Variants in WDR33 observed in about 807,000 individuals in gnomAD.
WDR33 encodes the protein pre-mRNA 3' end processing protein WDR33.
A neutral mutation model predicts 164.9 loss-of-function variants in WDR33; 47 were observed. The observed-to-expected ratio is 0.29, with a 90% CI of 0.23 to 0.36. The LOEUF is 0.36. Among genes scored for constraint, WDR33 ranks in the 10% least tolerant of loss-of-function variants. The pLI is 1.00. For synonymous variants in WDR33, 505 were observed against 589.0 expected (o/e 0.86, Z 2.06); for missense variants, 1,137 against 1,754.1 (o/e 0.65, Z 6.28).
At chr2:127,798,701 T>A (rs1394921396) in intron 1 of WDR33, among the ~76,000 whole-genome samples, 1 of 152,046 alleles carries the variant, frequency 6.6e-6, no homozygotes, top group Non-Finnish European at 1.5e-5. Context: ...ACAAGTCAGT[T>A]TAGATTTCAA....
At chr2:127,795,875 CAAG>C (rs952638609) in intron 1 of WDR33, among the ~76,000 whole-genome samples, 2 of 150,624 alleles carry the variant, frequency 1.3e-5, no homozygotes, top group Non-Finnish European at 2.9e-5. Flanking sequence ...GAAGTTAATG[CAAG>C]AAGGAGAAAA....
chr2:127,804,047 T>G (rs1689348294), intron 1 of WDR33, among the ~76,000 whole-genome samples: 1 of 150,052 alleles, frequency 6.7e-6, no homozygotes, highest in African/African-American at 2.5e-5. Flanking sequence ...TGGGACCGGG[T>G]GCGGTGGCTC....
At chr2:127,800,826 G>A (rs116774295) in intron 1 of WDR33, among the ~76,000 whole-genome samples, 2,172 of 152,162 alleles carry the variant, frequency 0.014, 65 homozygotes, top group African/African-American at 0.05. Context: ...ATTTAAGACA[G>A]AAATCTCCTT....
At chr2:127,759,884 A>C (rs6727268) in intron 7 of WDR33, among the ~76,000 whole-genome samples, 1 of 151,128 alleles carries the variant, frequency 6.6e-6, no homozygotes, top group Non-Finnish European at 1.5e-5. Flanking sequence ...CTATTTTTTT[A>C]AAAAAAATTA....
chr2:127,779,975 A>ATTTTTTTTT (rs1201664053), intron 1 of WDR33, among the ~76,000 whole-genome samples: 4 of 142,694 alleles, frequency 2.8e-5, no homozygotes, highest in African/African-American at 1.0e-4. Flanking sequence ...GGTTTTTTTG[A>ATTTTTTTTT]TTTTTTTTTT....
chr2:127,776,800 A>C (rs1257094137), intron 1 of WDR33, among the ~76,000 whole-genome samples: 3 of 152,252 alleles, frequency 2.0e-5, no homozygotes, highest in Non-Finnish European at 4.4e-5. Flanking sequence ...GACAGAAAGA[A>C]CCAATCCTCA....
intron 4 of WDR33, 125 bp downstream of exon 4, chr2:127,768,064 C>G: frequency 1.8e-6 from 1 of 555,964 alleles, no homozygotes; most frequent in Non-Finnish European, 2.9e-6. Context: ...AAATTACTAG[C>G]AATAAACCAA....
intron 1 of WDR33, among the ~76,000 whole-genome samples, chr2:127,799,709 C>T (rs1453412318): frequency 2.0e-5 from 3 of 152,092 alleles, no homozygotes; most frequent in African/African-American, 7.2e-5. Context: ...GCAGGAGAAT[C>T]GCATCAATAG....
intron 1 of WDR33, among the ~76,000 whole-genome samples, chr2:127,784,520 C>T (rs942533835): frequency 1.3e-5 from 2 of 152,084 alleles, no homozygotes; most frequent in African/African-American, 4.8e-5. Context: ...GTAGCGGGGA[C>T]TACAGGTACG....
chr2:127,722,781 A>C lies in WDR33; in HGVS notation c.1379-51T>G. 6.3e-7 allele frequency: 1 copy of C among 1,588,160 alleles called. No homozygotes were observed. ...GCCTCTTAAATAAAAGAAATTGGCC[A>C]CTTGATCAATGAACACATTATTGGA... On this transcript the variant is annotated intron_variant, in intron 13 of 21. Coordinates refer to ENST00000322313, the MANE Select transcript of WDR33 (RefSeq NM_018383.5). This position sits in a 1 kb window ranked among gnomAD's most constrained non-coding sequence, Gnocchi z 5.1.
chr2:127,767,727 A>T lies in WDR33; in HGVS notation c.378+462T>A, dbSNP rs906335358. 9.9e-5 allele frequency among the ~76,000 whole-genome samples: 15 copies of T among 152,168 alleles called. 1 individual carries two copies. The highest frequency in any genetic ancestry group is 4.1e-4 in the South Asian group (2 of 4,830). On this transcript the variant is annotated intron_variant, in intron 4 of 21. Transcript: ENST00000322313. ...GAGACTCTGTCTAAAAAAAATAAAA[A>T]AATAAAATAAAATTTCAGTTTAAAT...
rs1272140692 is a variant in WDR33, at chr2:127,710,110, A to G, written c.3309-254T>C. On this transcript the variant is annotated intron_variant, in intron 18 of 21. Transcript: ENST00000322313. This position sits in a 1 kb window ranked among gnomAD's most constrained non-coding sequence, Gnocchi z 4.4. ...TTCTTTTAGGCTTTTAGGTATATAC[A>G]AGTATTACTTCATTTCATTCATTTC... 2.0e-5 allele frequency among the ~76,000 whole-genome samples: 3 copies of G among 152,330 alleles called. No individual in the cohort carries two copies. The South Asian group carries it at 6.2e-4, about 32-fold the overall frequency.
rs1284943962 is a variant in WDR33, at chr2:127,738,487, C to T, written c.725-11710G>A. Among the ~76,000 whole-genome samples, 1 of 152,024 alleles carries T rather than the reference C, an allele frequency of 6.6e-6. No homozygotes were observed. Among genetic ancestry groups the T allele is most frequent in the African/African-American group, 2.4e-5 (1 of 41,382 alleles). ...TGTGGGCTATATATTAATATTATGA[C>T]TTCATTCCAAAGAGTACAGTATGAA... On this transcript the variant is annotated intron_variant, in intron 7 of 21. Coordinates refer to ENST00000322313, the MANE Select transcript of WDR33 (RefSeq NM_018383.5). This position sits in a 1 kb window ranked among gnomAD's most constrained non-coding sequence, Gnocchi z 4.4.
intron 7 of WDR33, chr2:127,762,772 GA>G: frequency 8.7e-7 from 1 of 1,150,534 alleles, no homozygotes; most frequent in East Asian, 5.5e-5. Context: ...TGGCTACAAG[GA>G]AGGAAAAGGA....
Position 127,720,163 on chromosome 2 carries a change from C to G in WDR33, c.1862G>C (p.Gly621Ala). Residue 621 changes from glycine to alanine, a missense_variant, in exon 16 of 22, where the codon GGT (glycine) becomes GCT (alanine). Coordinates refer to ENST00000322313, the MANE Select transcript of WDR33 (RefSeq NM_018383.5). The surrounding 1 kb of genome is among the most constrained non-coding windows in gnomAD (Gnocchi z 5.9). ...PMNMAQMGPP[G>A]PQGQFRPPGP... ...AGGAGGCCTAAACTGTCCCTGTGGA[C>G]CTGGAGGCCCCATTTGAGCCATGTT... 6.2e-7 allele frequency: 1 copy of G among 1,613,748 alleles called. No individual in the cohort carries two copies. The highest frequency in any genetic ancestry group is 8.5e-7 in the Non-Finnish European group (1 of 1,179,880).
chr2:127,736,232 A>G (rs1327199074), intron 7 of WDR33: 5 of 985,274 alleles, frequency 5.1e-6, no homozygotes. Flanking sequence ...AGCTTACTAC[A>G]TTTGTCTGGC....
At chr2:127,799,797 G>C (rs1425007611) in intron 1 of WDR33, among the ~76,000 whole-genome samples, 2 of 152,212 alleles carry the variant, frequency 1.3e-5, no homozygotes, top group African/African-American at 4.8e-5. Flanking sequence ...CTGGAGTTCA[G>C]GCAGGAGGAC....
intron 1 of WDR33, among the ~76,000 whole-genome samples, chr2:127,771,777 G>A (rs1263517348): frequency 7.9e-6 from 1 of 127,184 alleles, no homozygotes; most frequent in African/African-American, 2.9e-5. Flanking sequence ...GACCCTGTTG[G>A]AAAGAAGGAA....
chr2:127,808,812 C>T (rs548182205), intron 1 of WDR33, among the ~76,000 whole-genome samples: 1 of 152,124 alleles, frequency 6.6e-6, no homozygotes, highest in South Asian at 2.1e-4. Context: ...GGGCGGATCA[C>T]GAGGTCAGGA....
Sources: gnomAD v4.1 joint callset for allele counts (sites outside exome capture counted in the v4.1 genomes callset) on GRCh38, gnomAD v4.1.1 for gene constraint, Gnocchi (gnomAD v3.1) non-coding constraint, MANE v1.5 for transcripts, NCBI Gene and HGNC (gene_info 2026-07-23, HGNC 2026-07-21) for gene names.